The following CNFN variants were observed in gnomAD, a reference collection of about 807,000 sequenced individuals.
CNFN encodes the protein cornefied envelope protein cornefilin.
Under a neutral mutation model 14.9 loss-of-function variants are expected in CNFN, and 10 were observed. The ratio of observed to expected loss-of-function variants is 0.67; its 90% CI spans 0.41 to 1.14. CNFN has a LOEUF of 1.14. CNFN is among the 50% of genes most tolerant of loss of function. The pLI is 0.00. For synonymous variants in CNFN, 66 were observed against 60.0 expected (o/e 1.10, Z -0.46); for missense variants, 165 against 152.8 (o/e 1.08, Z -0.42).
Position 42,388,955 on chromosome 19 carries a change from A to C in CNFN, c.83T>G (p.Leu28Arg), listed in dbSNP as rs2039877093. ...AGGCATGTCGTTGCAGCAGTCCGTG[A>C]GACCTGTGTGCCAGTCACTGAGCTG... ...QTQLSDWHTG[L>R]TDCCNDMPVC... The change falls in exon 2 of 4, where the codon CTC becomes CGC. Residue 28 changes from leucine to arginine, a missense_variant. Coordinates refer to ENST00000222032, the MANE Select transcript of CNFN (RefSeq NM_032488.4). 1 of 1,613,664 alleles carries C rather than the reference A, an allele frequency of 6.2e-7. No individual in the cohort carries two copies. The highest frequency in any genetic ancestry group is 8.5e-7 in the Non-Finnish European group (1 of 1,179,946).
At chr19:42,389,537 T>G in intron 1 of CNFN, 1 of 1,289,458 alleles carries the variant, frequency 7.8e-7, no homozygotes, top group Admixed American at 2.3e-5. Flanking sequence ...TTGCTGGCCC[T>G]GAGGAGGTGG....
Position 42,389,049 on chromosome 19 carries a change from T to C in CNFN, c.-2-10A>G, listed in dbSNP as rs2039878064. 6.2e-7 allele frequency: 1 copy of C among 1,600,910 alleles called. No individual in the cohort carries two copies. ...ACAGGGTAGGACATAGCTGCAGAGG[T>C]GGGAGGGTAGGGGTCAGCTGGCAGC... On this transcript the variant is annotated splice_polypyrimidine_tract_variant and intron_variant, in intron 1 of 3. Coordinates refer to ENST00000222032, the MANE Select transcript of CNFN (RefSeq NM_032488.4).
chr19:42,387,432 A>C lies in CNFN; in HGVS notation c.157T>G (p.Ser53Ala). The C allele has an allele frequency of 1.2e-6, 2 of 1,600,366 alleles. No individual in the cohort carries two copies. The highest frequency in any genetic ancestry group is 1.3e-5 in the African/African-American group (1 of 74,706). ...FAPLCLACRI[S>A]DDFGECCCAP... ...CAGCAGCACTCGCCAAAGTCGTCGG[A>C]GATGCGGCAGGCAAGGCACAGAGGA... Residue 53 changes from serine to alanine, a missense_variant, in exon 3 of 4, where the codon TCC (serine) becomes GCC (alanine). Ser to Ala is a moderately conservative substitution (Grantham distance 99). Transcript: ENST00000222032.
intron 2 of CNFN, among the ~76,000 whole-genome samples, chr19:42,388,483 G>A (rs2039872989): frequency 1.3e-5 from 2 of 152,110 alleles, no homozygotes; most frequent in Admixed American, 1.3e-4. Context: ...GTGAGCCACT[G>A]CGCCCGACCT....
In CNFN at chr19:42,388,912, A is replaced by G; in HGVS notation, c.112+14T>C. 1 of 1,587,674 alleles carries G rather than the reference A, an allele frequency of 6.3e-7. No homozygotes were observed. On this transcript the variant is annotated intron_variant, in intron 2 of 3. Coordinates refer to ENST00000222032, the MANE Select transcript of CNFN (RefSeq NM_032488.4). ...CTTCCACCAGGCCTGGAGAGGGAGC[A>G]GGCAGGCACTCACAGACAGGCATGT...
At chr19:42,387,540 G>A (rs905354143) in intron 2 of CNFN, 64 bp from the exon 3 acceptor site, 6 of 1,337,142 alleles carry the variant, frequency 4.5e-6, no homozygotes, top group Non-Finnish European at 6.0e-6. Flanking sequence ...TCCGCCCCGG[G>A]GGGGGCGCGG....
rs868615212 is a variant in CNFN at position 42,389,440 on chromosome 19, G to A, written c.-2-401C>T. 5.4e-6 allele frequency: 7 copies of A among 1,286,690 alleles called. No individual in the cohort carries two copies. The Middle Eastern group carries it at 6.7e-4, about 123-fold the overall frequency. 79.7% of individuals were successfully genotyped at this position (1,286,690 alleles called of 1,614,324 possible). On this transcript the variant is annotated intron_variant, in intron 1 of 3. Coordinates refer to ENST00000222032, the MANE Select transcript of CNFN (RefSeq NM_032488.4). ...GCAAGGGTGCCCAGGGGAGGGAGGC[G>A]GCCAGGTTCCAGTACTGAGAGGGTT... is the stretch of plus-strand genomic sequence containing the variant.
chr19:42,389,109 C>T (rs767372630), intron 1 of CNFN, 70 bp from the exon 2 acceptor site: 42 of 1,203,760 alleles, frequency 3.5e-5, no homozygotes, highest in Non-Finnish European at 4.5e-5. Flanking sequence ...ACTTCGGCCA[C>T]CCTTCCCTGT....
At chr19:42,389,223 C>G (rs2039879705) in intron 1 of CNFN, among the ~76,000 whole-genome samples, 184 bp from the exon 2 acceptor site, 2 of 152,264 alleles carry the variant, frequency 1.3e-5, no homozygotes, top group African/African-American at 2.4e-5. Flanking sequence ...CCCAGTCTGT[C>G]CCTGTTGCTG....
intron 1 of CNFN, chr19:42,389,648 CTGGG>C: frequency 6.5e-6 from 1 of 153,340 alleles, no homozygotes; most frequent in Non-Finnish European, 1.2e-5. Context: ...GCACTGGGGG[CTGGG>C]CTCTCAGGGG....
rs1409276252 is a variant in CNFN at position 42,387,357 on chromosome 19, C to T, written c.232G>A (p.Glu78Lys). 1.3e-6 allele frequency: 2 copies of T among 1,597,574 alleles called. No individual in the cohort carries two copies. The highest frequency in any genetic ancestry group is 1.3e-5 in the African/African-American group (1 of 74,716). ...GCGCGCACCTGGATGTGGTAGCGCT[C>T]CCGCATGCCGGTGCGGATGGAGTGC... ...GLHSIRTGMRERYHIQGSVGH... is the reference protein window; with the variant it reads ...GLHSIRTGMRKRYHIQGSVGH... The change falls in exon 3 of 4, where the codon GAG becomes AAG. Residue 78 changes from glutamate (E) to lysine (K), a missense_variant. Transcript: ENST00000222032.
At chr19:42,388,254 C>T (rs1289149080) in intron 2 of CNFN, among the ~76,000 whole-genome samples, 1 of 151,912 alleles carries the variant, frequency 6.6e-6, no homozygotes, top group African/African-American at 2.4e-5. Flanking sequence ...AGTGCAGTGG[C>T]GTGATCTCGG....
Position 42,387,494 on chromosome 19 carries a change from G to A in CNFN, c.113-18C>T, listed in dbSNP as rs1160447342. 10 of 1,541,870 alleles carry A rather than the reference G, an allele frequency of 6.5e-6. No homozygotes were observed. In the South Asian group the frequency reaches 9.6e-5, roughly 15 times the overall value. The stretch of plus-strand genomic sequence containing the variant: ...GCACAGACCTGGGCGGGGCGCAGGC[G>A]CTCAGGGGCGGGGCCAGCCGGGGCC... On this transcript the variant is annotated intron_variant, in intron 2 of 3. Transcript: ENST00000222032.
Position 42,387,185 on chromosome 19 carries a change from G to A in CNFN, c.307C>T (p.Gln103Ter). The A allele has an allele frequency of 6.2e-7, 1 of 1,614,224 alleles. No individual in the cohort carries two copies. The highest frequency in any genetic ancestry group is 1.1e-5 in the South Asian group (1 of 91,078). Reference sequence around the variant, plus strand: ...CGGATCTTCAGTTCCCGCGCCATCTGGCAGAGGGCGCAGGGCAGACAAAAG... The same window carrying A: ...CGGATCTTCAGTTCCCGCGCCATCTAGCAGAGGGCGCAGGGCAGACAAAAG... ...LTFCLPCALC[Q>*]MARELKIRE Residue 103 changes from glutamine (Q) to a stop codon, truncating the protein, a stop_gained, in exon 4 of 4, where the codon CAG becomes TAG. Transcript: ENST00000222032. LOFTEE classifies it high-confidence loss of function.
chr19:42,387,956 G>A (rs1227923650), intron 2 of CNFN, among the ~76,000 whole-genome samples: 1 of 145,590 alleles, frequency 6.9e-6, no homozygotes, highest in Admixed American at 6.8e-5. Flanking sequence ...TTCCAGCCTG[G>A]GCGACAGAGC....
At chr19:42,387,562 C>T in intron 2 of CNFN, 86 bp from the exon 3 acceptor site, 1 of 1,012,516 alleles carries the variant, frequency 9.9e-7, no homozygotes, top group Non-Finnish European at 1.4e-6. Flanking sequence ...TGATTCGCCG[C>T]GGAGGGGCAT....
In CNFN at chr19:42,388,919, C is replaced by A; in HGVS notation, c.112+7G>T. ...CAGGCCTGGAGAGGGAGCAGGCAGGCACTCACAGACAGGCATGTCGTTGCA... is the reference window on the plus strand; with the variant it reads ...CAGGCCTGGAGAGGGAGCAGGCAGGAACTCACAGACAGGCATGTCGTTGCA... On this transcript the variant is annotated splice_region_variant and intron_variant, in intron 2 of 3. Coordinates refer to ENST00000222032, the MANE Select transcript of CNFN (RefSeq NM_032488.4). The A allele has an allele frequency of 6.2e-7, 1 of 1,602,718 alleles. No homozygotes were observed.
intron 1 of CNFN, chr19:42,389,529 G>C (rs1277156869): frequency 2.3e-6 from 3 of 1,290,036 alleles, no homozygotes; most frequent in Non-Finnish European, 3.0e-6. Context: ...ACTGCATCTT[G>C]CTGGCCCTGA....
intron 2 of CNFN, among the ~76,000 whole-genome samples, chr19:42,388,515 A>G (rs995464197): frequency 2.0e-5 from 3 of 152,032 alleles, no homozygotes; most frequent in African/African-American, 7.2e-5. Flanking sequence ...TTATTTTTGT[A>G]GAGATGGGGA....
Sources: gnomAD v4.1 joint callset for allele counts (sites outside exome capture counted in the v4.1 genomes callset) on GRCh38, gnomAD v4.1.1 for gene constraint, MANE v1.5 for transcripts, NCBI Gene and HGNC (gene_info 2026-07-23, HGNC 2026-07-21) for gene names.